PRKG1: variants seen among roughly 807,000 people sequenced by gnomAD.
PRKG1 encodes the protein protein kinase cGMP-dependent 1, also known as cGMP-dependent protein kinase 1.
A neutral mutation model predicts 88.1 loss-of-function variants in PRKG1; 35 were observed. The ratio of observed to expected loss-of-function variants is 0.40; its 90% CI spans 0.30 to 0.53. The LOEUF is 0.53. Ranked by LOEUF, PRKG1 falls within the 20% of genes least tolerant of loss-of-function variation. The pLI is 0.59. For synonymous variants in PRKG1, 303 were observed against 292.5 expected, an observed-to-expected ratio of 1.04 and a Z score of -0.37; for missense variants, 540 against 839.8, an observed-to-expected ratio of 0.64 and a Z score of 4.41.
At chr10:51,109,944 G>T (rs530607534) in intron 1 of PRKG1, among the ~76,000 whole-genome samples, 13 of 151,968 alleles carry the variant, frequency 8.6e-5, no homozygotes, top group African/African-American at 2.7e-4. Flanking sequence ...CACCAAAGAG[G>T]ATATATGAAA....
At chr10:51,051,462 T>C (rs1322075394) in intron 1 of PRKG1, among the ~76,000 whole-genome samples, 1 of 152,134 alleles carries the variant, frequency 6.6e-6, no homozygotes, top group African/African-American at 2.4e-5. Flanking sequence ...GAAGATCAGT[T>C]GACCCATTAC....
At chr10:51,209,442 A>C (rs1328739107) in intron 2 of PRKG1, among the ~76,000 whole-genome samples, 2 of 152,162 alleles carry the variant, frequency 1.3e-5, no homozygotes, top group Non-Finnish European at 2.9e-5. Flanking sequence ...GGTAAAAGTA[A>C]AATAATATAA....
intron 3 of PRKG1, among the ~76,000 whole-genome samples, chr10:51,762,363 T>C (rs1838041108): frequency 6.6e-6 from 1 of 152,170 alleles, no homozygotes; most frequent in Admixed American, 6.5e-5. Context: ...TGTAGGTGTT[T>C]GGGCCCAGTG....
intron 8 of PRKG1, among the ~76,000 whole-genome samples, chr10:52,161,654 T>C (rs1838278627): frequency 6.6e-6 from 1 of 152,122 alleles, no homozygotes; most frequent in African/African-American, 2.4e-5. Flanking sequence ...TTGCCAGATT[T>C]GTTTATGTGT....
At chr10:51,858,768 A>C (rs1840786607) in intron 4 of PRKG1, among the ~76,000 whole-genome samples, 1 of 151,944 alleles carries the variant, frequency 6.6e-6, no homozygotes, top group Admixed American at 6.6e-5. Context: ...AAATGCTTAA[A>C]GTTTTAATTC....
chr10:51,841,323 T>G (rs1211781603), intron 4 of PRKG1, among the ~76,000 whole-genome samples: 1 of 152,176 alleles, frequency 6.6e-6, no homozygotes, highest in Non-Finnish European at 1.5e-5. Context: ...CATGGTCTAT[T>G]TTTTCAAACA....
At chr10:51,117,501 G>A (rs564401550) in intron 1 of PRKG1, among the ~76,000 whole-genome samples, 54 of 152,306 alleles carry the variant, frequency 3.5e-4, no homozygotes, top group Admixed American at 3.1e-3. Flanking sequence ...ATGTTGCTAC[G>A]CACTTCATGG....
intron 3 of PRKG1, chr10:51,698,616 C>A (rs1365111088): frequency 1.2e-6 from 2 of 1,613,886 alleles, no homozygotes; most frequent in South Asian, 1.1e-5. Flanking sequence ...GGTATAGGAG[C>A]TCTAGGATCT....
chr10:51,492,289 A>G (rs924907375), intron 3 of PRKG1, among the ~76,000 whole-genome samples: 1 of 152,144 alleles, frequency 6.6e-6, no homozygotes, highest in Non-Finnish European at 1.5e-5. Context: ...TTTTTATAAG[A>G]ATATTCTTTT....
At chr10:51,202,993 T>C (rs561271410) in intron 2 of PRKG1, among the ~76,000 whole-genome samples, 1 of 152,152 alleles carries the variant, frequency 6.6e-6, no homozygotes, top group South Asian at 2.1e-4. Flanking sequence ...AGAAAGCTAA[T>C]AGACAAACGA....
chr10:51,488,149 T>C (rs1322143360), intron 3 of PRKG1, among the ~76,000 whole-genome samples: 1 of 152,210 alleles, frequency 6.6e-6, no homozygotes, highest in Non-Finnish European at 1.5e-5. Context: ...GCTGACTGGG[T>C]GACTGTGAGT....
intron 1 of PRKG1, among the ~76,000 whole-genome samples, chr10:51,020,333 T>C (rs1361467733): frequency 1.3e-5 from 2 of 152,086 alleles, no homozygotes; most frequent in Non-Finnish European, 2.9e-5. Flanking sequence ...TGGGATATAT[T>C]CCCCAAAGAA....
intron 2 of PRKG1, among the ~76,000 whole-genome samples, chr10:51,283,736 A>C (rs1341325063): frequency 6.6e-6 from 1 of 152,190 alleles, no homozygotes; most frequent in East Asian, 1.9e-4. Context: ...TTATGCAAAG[A>C]ATAAACCAGC....
chr10:52,297,693 C>T lies in PRKG1; in HGVS notation c.*3793C>T, dbSNP rs944893036. ...CCTGTTTTGCTAAGCTGTGCAGATTCTGTAAAAATAAATTAGTGCAGTCAA... is the reference window on the plus strand; with the variant it reads ...CCTGTTTTGCTAAGCTGTGCAGATTTTGTAAAAATAAATTAGTGCAGTCAA... On this transcript the variant is annotated 3_prime_UTR_variant, in exon 18 of 18. Transcript: ENST00000373980. The T allele has an allele frequency of 2.6e-5, 4 of 152,042 alleles. No homozygotes were observed. The highest frequency in any genetic ancestry group is 5.9e-5 in the Non-Finnish European group (4 of 67,992). 9.4% of individuals were successfully genotyped at this position (152,042 alleles called of 1,614,324 possible).
intron 4 of PRKG1, among the ~76,000 whole-genome samples, chr10:51,843,839 A>C (rs1429815585): frequency 6.6e-6 from 1 of 152,132 alleles, no homozygotes; most frequent in Non-Finnish European, 1.5e-5. Context: ...ACCCCCACAC[A>C]CACATTTTAG....
intron 5 of PRKG1, among the ~76,000 whole-genome samples, chr10:51,917,439 A>T (rs770271907): frequency 7.2e-5 from 11 of 152,170 alleles, no homozygotes; most frequent in Non-Finnish European, 1.5e-4. Flanking sequence ...TTTATTCTTT[A>T]CATGGGTAAA....
chr10:51,412,945 T>C (rs1400675825), intron 2 of PRKG1, among the ~76,000 whole-genome samples: 5 of 152,134 alleles, frequency 3.3e-5, no homozygotes, highest in Admixed American at 6.5e-5. Context: ...CCTCTTGGTG[T>C]TTGATGGAGC....
intron 2 of PRKG1, among the ~76,000 whole-genome samples, chr10:51,368,095 T>C (rs977011535): frequency 2.0e-5 from 3 of 152,048 alleles, no homozygotes; most frequent in East Asian, 1.9e-4. Context: ...AAGAACATCA[T>C]AGAGCCAGAA....
At chr10:52,163,460 T>C (rs1295192086) in intron 9 of PRKG1, among the ~76,000 whole-genome samples, 2 of 151,814 alleles carry the variant, frequency 1.3e-5, no homozygotes, top group South Asian at 4.1e-4. Flanking sequence ...GTTAAGCAAC[T>C]ATTAATTAAT....
Sources: gnomAD v4.1 joint callset for allele counts (sites outside exome capture counted in the v4.1 genomes callset) on GRCh38, gnomAD v4.1.1 for gene constraint, MANE v1.5 for transcripts, NCBI Gene and HGNC (gene_info 2026-07-23, HGNC 2026-07-21) for gene names.